Variants in PPP3CA observed in about 807,000 individuals in gnomAD.
PPP3CA encodes the protein protein phosphatase 3 catalytic subunit alpha.
PPP3CA carries 14 observed loss-of-function variants against 66.5 expected under a neutral mutation model. The ratio of observed to expected loss-of-function variants is 0.21; its 90% confidence interval spans 0.14 to 0.33. The LOEUF is 0.33. Among genes scored for constraint, PPP3CA ranks in the 10% least tolerant of loss-of-function variants. PPP3CA has a pLI of 1.00. For missense variants in PPP3CA, 317 were observed against 639.5 expected (o/e 0.50, Z 5.44); for synonymous variants, 232 against 226.2 (o/e 1.03, Z -0.23).
At chr4:101,056,400 ACAG>A (rs1291196652) in intron 10 of PPP3CA, among the ~76,000 whole-genome samples, 1 of 152,172 alleles carries the variant, frequency 6.6e-6, no homozygotes, top group Admixed American at 6.5e-5. Context: ...TAAATAGTAA[ACAG>A]GAGTTGACAG....
At chr4:101,177,185 A>T (rs897809754) in intron 2 of PPP3CA, among the ~76,000 whole-genome samples, 4 of 152,170 alleles carry the variant, frequency 2.6e-5, no homozygotes, top group Non-Finnish European at 5.9e-5. Context: ...GTTAAATCAC[A>T]CAATAACAAA....
chr4:101,139,696 G>GTTTTTTTTT (rs372257350), intron 2 of PPP3CA, among the ~76,000 whole-genome samples: 54 of 98,342 alleles, frequency 5.5e-4, no homozygotes, highest in Non-Finnish European at 7.2e-4. Flanking sequence ...TTTTTTTTGT[G>GTTTTTTTTT]TTTTTTTTTT....
At chr4:101,133,093 C>T (rs58894739) in intron 2 of PPP3CA, among the ~76,000 whole-genome samples, 49,740 of 151,868 alleles carry the variant, frequency 0.33, 9,918 homozygotes, top group African/African-American at 0.57. Context: ...ATTGATAGAA[C>T]GTATCTCAAA....
intron 11 of PPP3CA, among the ~76,000 whole-genome samples, chr4:101,033,463 C>T (rs1037331498): frequency 5.3e-5 from 8 of 152,160 alleles, no homozygotes; most frequent in Non-Finnish European, 1.0e-4. Context: ...CAGAAATTAG[C>T]AGTTCCATCT....
intron 3 of PPP3CA, among the ~76,000 whole-genome samples, chr4:101,106,876 C>T (rs940259808): frequency 6.6e-5 from 10 of 152,182 alleles, no homozygotes; most frequent in Non-Finnish European, 1.2e-4. Context: ...CCTGGCACCA[C>T]GCTGTGCCAC....
intron 1 of PPP3CA, among the ~76,000 whole-genome samples, chr4:101,210,691 TA>T (rs1481944709): frequency 6.6e-6 from 1 of 152,166 alleles, no homozygotes; most frequent in Admixed American, 6.6e-5. Context: ...AAATACTTCA[TA>T]AAAATATATT....
intron 1 of PPP3CA, among the ~76,000 whole-genome samples, chr4:101,200,380 A>G (rs1403321347): frequency 6.6e-6 from 1 of 152,070 alleles, no homozygotes; most frequent in Non-Finnish European, 1.5e-5. Flanking sequence ...TTAAAATGGC[A>G]TTTTCTGTGC....
intron 2 of PPP3CA, among the ~76,000 whole-genome samples, chr4:101,194,186 A>G (rs1283893497): frequency 6.6e-6 from 1 of 152,180 alleles, no homozygotes; most frequent in Non-Finnish European, 1.5e-5. Flanking sequence ...CTTCTGAATT[A>G]CAAATAAGAA....
intron 2 of PPP3CA, among the ~76,000 whole-genome samples, chr4:101,158,679 A>T (rs2110304711): frequency 6.6e-6 from 1 of 152,340 alleles, no homozygotes; most frequent in South Asian, 2.1e-4. Context: ...GGTGCCCATA[A>T]ATAATATCTG....
At chr4:101,201,494 C>T (rs747651319) in intron 1 of PPP3CA, among the ~76,000 whole-genome samples, 23 of 152,246 alleles carry the variant, frequency 1.5e-4, no homozygotes, top group Non-Finnish European at 2.6e-4. Context: ...TTGAGATCCA[C>T]TGATCCATAC....
intron 10 of PPP3CA, among the ~76,000 whole-genome samples, chr4:101,048,102 A>T (rs936689614): frequency 1.3e-5 from 2 of 152,086 alleles, no homozygotes; most frequent in African/African-American, 4.8e-5. Context: ...TTATAGCTCA[A>T]GGAAATGTTC....
intron 2 of PPP3CA, among the ~76,000 whole-genome samples, chr4:101,109,729 A>T (rs1216722404): frequency 6.6e-6 from 1 of 152,042 alleles, no homozygotes; most frequent in Non-Finnish European, 1.5e-5. Flanking sequence ...TAAAGTGAAA[A>T]AAACTACAAT....
intron 1 of PPP3CA, among the ~76,000 whole-genome samples, chr4:101,227,152 A>G (rs921263178): frequency 1.3e-5 from 2 of 151,650 alleles, no homozygotes; most frequent in Non-Finnish European, 3.0e-5. Flanking sequence ...ATACACATAA[A>G]TGACATTTAA....
At chr4:101,225,166 T>C (rs1725741661) in intron 1 of PPP3CA, among the ~76,000 whole-genome samples, 1 of 151,810 alleles carries the variant, frequency 6.6e-6, no homozygotes, top group Non-Finnish European at 1.5e-5. Flanking sequence ...GCACAACTCC[T>C]TTTCCTTTCT....
chr4:101,317,264 A>G (rs899719455), intron 1 of PPP3CA, among the ~76,000 whole-genome samples: 35 of 151,512 alleles, frequency 2.3e-4, no homozygotes, highest in African/African-American at 7.5e-4. Flanking sequence ...ACACACACAC[A>G]CACACACACA....
At chr4:101,106,442 AAAG>A (rs1730712464) in intron 3 of PPP3CA, among the ~76,000 whole-genome samples, 2 of 12,132 alleles carry the variant, frequency 1.6e-4, no homozygotes, top group Non-Finnish European at 1.6e-4. Context: ...AGAAAGAAAG[AAAG>A]AAAGAAAGAG....
At chr4:101,161,126 T>C (rs577633644) in intron 2 of PPP3CA, among the ~76,000 whole-genome samples, 29 of 152,160 alleles carry the variant, frequency 1.9e-4, no homozygotes, top group Non-Finnish European at 3.4e-4. Context: ...CAATATTCAG[T>C]ACAGTAACGT....
At chr4:101,090,682 A>G (rs1043449686) in intron 6 of PPP3CA, among the ~76,000 whole-genome samples, 12 of 150,954 alleles carry the variant, frequency 7.9e-5, no homozygotes, top group Admixed American at 6.0e-4. Context: ...AATGAGACGA[A>G]ATAATCATAA....
intron 2 of PPP3CA, among the ~76,000 whole-genome samples, chr4:101,180,075 G>A (rs997417243): frequency 6.6e-6 from 1 of 152,066 alleles, no homozygotes; most frequent in Admixed American, 6.6e-5. Context: ...TGTGCAAGTT[G>A]GCCAACATTA....
Sources: gnomAD v4.1 joint callset for allele counts (sites outside exome capture counted in the v4.1 genomes callset) on GRCh38, gnomAD v4.1.1 for gene constraint, MANE v1.5 for transcripts, NCBI Gene and HGNC (gene_info 2026-07-23, HGNC 2026-07-21) for gene names.